NEB: variants seen among roughly 807,000 people sequenced by gnomAD.
NEB encodes nebulin.
NEB carries 512 observed loss-of-function variants against 952.2 expected under a neutral mutation model. The ratio of observed to expected loss-of-function variants is 0.54; its 90% CI spans 0.50 to 0.58. The LOEUF (loss-of-function observed/expected upper bound fraction) is 0.58, where lower values mean the gene tolerates loss of function less well. Among genes scored for constraint, NEB ranks in the 20% least tolerant of loss-of-function variants. NEB has a pLI of 0.00. For missense variants in NEB, 8,428 were observed against 9,231.1 expected (o/e 0.91, Z 3.56); for synonymous variants, 2,900 against 3,149.8 (o/e 0.92, Z 2.66).
rs766652014 is a variant in NEB at position 151,553,388 on chromosome 2, G to A, written c.19731+10C>T. On this transcript the variant is annotated intron_variant, in intron 127 of 181. Coordinates refer to ENST00000397345, the MANE Select transcript of NEB (RefSeq NM_001164508.2). ...GAAATATACTAAAGAACAAAACAAG[G>A]CAAACTCACATCATCACGTAGATCA... 1 of 1,593,232 alleles carries A rather than the reference G, an allele frequency of 6.3e-7. No individual in the cohort carries two copies. The highest frequency in any genetic ancestry group is 8.6e-7 in the Non-Finnish European group (1 of 1,161,110).
intron 38 of NEB, among the ~76,000 whole-genome samples, chr2:151,670,608 A>G (rs763043608): frequency 3.3e-5 from 5 of 152,184 alleles, no homozygotes; most frequent in African/African-American, 7.2e-5. Flanking sequence ...CTCTCAGAAC[A>G]TGGAGCTATT....
intron 151 of NEB, 51 bp downstream of exon 151, chr2:151,525,108 TCTGG>T (rs2084932498): frequency 8.2e-7 from 1 of 1,222,786 alleles, no homozygotes; most frequent in Non-Finnish European, 1.2e-6. Context: ...AATGCACCAA[TCTGG>T]GTTCCACTGC....
rs534018659 is a variant in NEB, at chr2:151,519,790, C to T, written c.22480-22G>A. The T allele has an allele frequency of 5.0e-5, 73 of 1,463,244 alleles. No homozygotes were observed. The Admixed American group carries it at 8.0e-4, about 16-fold the overall frequency. The allele number at this position is 1,463,244 out of a possible 1,614,324, so 90.6% of individuals were successfully genotyped here. ...TAACCTAACAGCAAATGCAAACATC[C>T]AAATTATTCCTGGACATCAATCAAT... is the stretch of plus-strand genomic sequence containing the variant. On this transcript the variant is annotated intron_variant, in intron 153 of 181. Coordinates refer to ENST00000397345, the MANE Select transcript of NEB (RefSeq NM_001164508.2).
intron 169 of NEB, among the ~76,000 whole-genome samples, chr2:151,498,891 T>TAAAA (rs66881625): frequency 0.52 from 78,595 of 149,870 alleles, 22,373 homozygotes; most frequent in East Asian, 0.74. Context: ...GATAAGGTGC[T>TAAAA]AAAAAAAAGA....
intron 158 of NEB, 123 bp from the exon 159 acceptor site, chr2:151,514,551 T>C (rs1337979625): frequency 6.3e-6 from 5 of 788,294 alleles, no homozygotes; most frequent in Middle Eastern, 2.8e-4. Context: ...AGTAAAAATA[T>C]GAATACAGGC....
In NEB at chr2:151,618,398, C is replaced by T; in HGVS notation, c.10953G>A (p.Lys3651=). 1 of 1,613,946 alleles carries T rather than the reference C, an allele frequency of 6.2e-7. No individual in the cohort carries two copies. Among genetic ancestry groups the T allele is most frequent in the Non-Finnish European group, 8.5e-7 (1 of 1,179,860 alleles). The part of the protein sequence containing the change: ...PIDSLEVVRA[K]RAGELLSDTI... ...TATCACTAAGTAATTCTCCAGCTCT[C>T]TTGGCCCTAACAACTTCCAAGGAAT... Residue 3651 remains lysine, a synonymous_variant, in exon 74 of 182, where the codon AAG becomes AAA. Transcript: ENST00000397345.
chr2:151,675,746 T>C (rs1397979673), intron 34 of NEB, among the ~76,000 whole-genome samples: 1 of 151,578 alleles, frequency 6.6e-6, no homozygotes, highest in Non-Finnish European at 1.5e-5. Flanking sequence ...TTAGTTTCTA[T>C]TTTTTTATCC....
chr2:151,644,628 T>G, intron 55 of NEB, 53 bp from the exon 56 acceptor site: 2 of 1,393,278 alleles, frequency 1.4e-6, no homozygotes, highest in Non-Finnish European at 2.0e-6. Context: ...TAGACAAATA[T>G]AGCATAATGA....
At position 151,616,142 on chromosome 2, in the gene NEB, C is replaced by T. The variant is rs773337173; in HGVS notation, c.11182-33G>A. 6 of 1,423,596 alleles carry T rather than the reference C, an allele frequency of 4.2e-6. No individual in the cohort carries two copies. In the East Asian group the frequency reaches 1.4e-4, roughly 33 times the overall value. The allele number at this position is 1,423,596 out of a possible 1,614,324, so 88.2% of individuals were successfully genotyped here. A position where few individuals can be genotyped will look rare whatever the true frequency, so the allele number is the denominator to read the frequency against. On this transcript the variant is annotated intron_variant, in intron 75 of 181. Transcript: ENST00000397345. ...AAAGAAAGTCATTACTCATTTACTCCTTCCATAAAAAGTGAAGCTGTTCAT... is the reference window on the plus strand; with the variant it reads ...AAAGAAAGTCATTACTCATTTACTCTTTCCATAAAAAGTGAAGCTGTTCAT...
chr2:151,656,924 G>C lies in NEB; in HGVS notation c.6184-460C>G, dbSNP rs114290306. On this transcript the variant is annotated intron_variant, in intron 48 of 181. Coordinates refer to ENST00000397345, the MANE Select transcript of NEB (RefSeq NM_001164508.2). ...ATTATTCTGTCAGTCATTTACTGAT[G>C]AGAAAAGTTTCAATTATGAGACACA... 5.5e-3 allele frequency among the ~76,000 whole-genome samples: 833 copies of C among 152,168 alleles called. 14 individuals carry two copies. The highest frequency in any genetic ancestry group is 0.019 in the African/African-American group (795 of 41,520).
chr2:151,680,515 T>G (rs571252686), intron 30 of NEB, among the ~76,000 whole-genome samples: 2 of 152,266 alleles, frequency 1.3e-5, no homozygotes, highest in East Asian at 3.9e-4. Flanking sequence ...GAAAGAAATG[T>G]CAAATGGCTA....
At chr2:151,505,609 A>C (rs147313132) in intron 164 of NEB, 39 bp from the exon 165 acceptor site, 1 of 1,485,494 alleles carries the variant, frequency 6.7e-7, no homozygotes, top group South Asian at 1.1e-5. Flanking sequence ...GTATTATTAC[A>C]TGCTGGACTG....
At chr2:151,493,944 A>AATGTT (rs1333587375) in intron 174 of NEB, 77 bp from the exon 175 acceptor site, 13 of 1,110,378 alleles carry the variant, frequency 1.2e-5, no homozygotes, top group Non-Finnish European at 1.5e-5. Flanking sequence ...GTTGGGGGGA[A>AATGTT]ATGTTATGTT....
At position 151,633,962 on chromosome 2, in the gene NEB, T is replaced by C; in HGVS notation, c.9106A>G (p.Lys3036Glu). ...TGCTTGCAGTAACCATCTTTATATT[T>C]GTACTAAAATGAAAATGCACAAATC... Reference protein sequence around the residue: ...KASRDIISDYKYKDGYCKQLG... With the variant: ...KASRDIISDYEYKDGYCKQLG... The change falls in exon 65 of 182, where the codon AAA (lysine) becomes GAA (glutamate). Residue 3036 changes from lysine (K) to glutamate (E), a missense_variant. Coordinates refer to ENST00000397345, the MANE Select transcript of NEB (RefSeq NM_001164508.2). 6.2e-7 allele frequency: 1 copy of C among 1,610,126 alleles called. No individual in the cohort carries two copies. Among genetic ancestry groups the C allele is most frequent in the Non-Finnish European group, 8.5e-7 (1 of 1,177,128 alleles).
chr2:151,619,719 A>T lies in NEB; in HGVS notation c.10604T>A (p.Ile3535Asn). ...EAYRKQLGHH[I>N]GARAVHDDPK... ...GTCATCGTGTACTGCTCGGGCGCCA[A>T]TGTGGTGACCCAACTGTTTACGATA... Residue 3535 changes from isoleucine to asparagine, a missense_variant, in exon 73 of 182, where the codon ATT becomes AAT. Physicochemically the swap from Ile to Asn is moderately radical, Grantham distance 149. Transcript: ENST00000397345. 7 of 1,613,758 alleles carry T rather than the reference A, an allele frequency of 4.3e-6. No homozygotes were observed. Among genetic ancestry groups the T allele is most frequent in the Non-Finnish European group, 5.9e-6 (7 of 1,179,688 alleles).
intron 174 of NEB, 55 bp downstream of exon 174, chr2:151,494,106 A>G (rs2058549616): frequency 6.9e-7 from 1 of 1,443,360 alleles, no homozygotes; most frequent in African/African-American, 1.4e-5. Context: ...GAGCAGGCCA[A>G]ACTGCAAGAG....
At chr2:151,566,287 G>C (rs1166611731) in intron 114 of NEB, among the ~76,000 whole-genome samples, 1 of 152,128 alleles carries the variant, frequency 6.6e-6, no homozygotes, top group Non-Finnish European at 1.5e-5. Flanking sequence ...GCATCCCCTG[G>C]GTCCCAGCCA....
intron 71 of NEB, among the ~76,000 whole-genome samples, chr2:151,624,692 C>T (rs886778333): frequency 6.6e-6 from 1 of 152,176 alleles, no homozygotes; most frequent in South Asian, 2.1e-4. Flanking sequence ...TTTTTCAGTG[C>T]TCTCAAACTG....
intron 78 of NEB, 35 bp downstream of exon 78, chr2:151,612,151 A>G (rs1465821346): frequency 6.3e-7 from 1 of 1,590,794 alleles, no homozygotes; most frequent in South Asian, 1.1e-5. Context: ...TGTGGAAGGT[A>G]TGATTCTGGC....
Sources: allele counts gnomAD v4.1 joint callset (sites outside exome capture counted in the v4.1 genomes callset), GRCh38; gene constraint gnomAD v4.1.1; transcripts MANE v1.5; gene names NCBI Gene and HGNC (gene_info 2026-07-23, HGNC 2026-07-21).